MYO1C: variants seen among roughly 807,000 people sequenced by gnomAD.
MYO1C encodes the protein myosin IC.
Under a neutral mutation model 150.8 loss-of-function variants are expected in MYO1C, and 104 were observed. That is an observed-to-expected ratio of 0.69 (90% CI 0.59 to 0.81). MYO1C has a LOEUF of 0.81. MYO1C is among the 30% of genes least tolerant of loss of function. The pLI, the probability that MYO1C is intolerant of heterozygous loss-of-function variation, is 0.00. For missense variants in MYO1C, 1,504 were observed against 1,435.0 expected, an observed-to-expected ratio of 1.05 and a Z score of -0.78; for synonymous variants, 663 against 579.9, an observed-to-expected ratio of 1.14 and a Z score of -2.06.
chr17:1,470,292 G>T lies in MYO1C; in HGVS notation c.2409C>A (p.Pro803=). 2 of 1,579,370 alleles carry T rather than the reference G, an allele frequency of 1.3e-6. No homozygotes were observed. The highest frequency in any genetic ancestry group is 1.3e-5 in the African/African-American group (1 of 74,416). Residue 803 remains proline (P), a synonymous_variant, in exon 24 of 32, where the codon CCC becomes CCA. Transcript: ENST00000648651. Reference sequence around the variant, plus strand: ...CATGGTCCAGGAAGAAGGCGTTCTCGGGGCAGCGGGGGGCGTGGCGCAGGA... The same window carrying T: ...CATGGTCCAGGAAGAAGGCGTTCTCTGGGCAGCGGGGGGCGTGGCGCAGGA... ...GFVLRHAPRC[P]ENAFFLDHVR... is the part of the protein sequence containing the mutation.
chr17:1,478,063 G>C lies in MYO1C; in HGVS notation c.1401+24C>G, dbSNP rs752384261. 1.2e-6 allele frequency: 2 copies of C among 1,613,532 alleles called. No individual in the cohort carries two copies. The highest frequency in any genetic ancestry group is 4.5e-5 in the East Asian group (2 of 44,874). On this transcript the variant is annotated intron_variant, in intron 12 of 31. Coordinates refer to ENST00000648651, the MANE Select transcript of MYO1C (RefSeq NM_001080779.2). This position sits in a 1 kb window ranked among gnomAD's most constrained non-coding sequence, Gnocchi z 6.3. ...ACCCAGGCTCCCCGTGGCCCACGGA[G>C]AGTGCCCCCAGGCTAGCACACACCG...
Position 1,480,558 on chromosome 17 carries a change from G to A in MYO1C, c.875C>T (p.Thr292Ile), listed in dbSNP as rs1472721142. Reference protein sequence around the residue: ...SDWKVVRKALTVIDFTEDEVE... With the variant: ...SDWKVVRKALIVIDFTEDEVE... ...TTCATCCTCGGTGAAATCAATGACT[G>A]TCAGAGCCTTCCTGACGACCTTCCA... The change falls in exon 7 of 32, where the codon ACA becomes ATA. Residue 292 changes from threonine to isoleucine, a missense_variant. Thr to Ile is a moderately conservative substitution (Grantham distance 89). Transcript: ENST00000648651. 6.2e-7 allele frequency: 1 copy of A among 1,614,072 alleles called. No homozygotes were observed. The highest frequency in any genetic ancestry group is 8.5e-7 in the Non-Finnish European group (1 of 1,180,038).
chr17:1,476,493 T>A (rs72818291), intron 14 of MYO1C, among the ~76,000 whole-genome samples: 81 of 152,232 alleles, frequency 5.3e-4, no homozygotes, highest in Non-Finnish European at 1.0e-3. Context: ...ATTTTCAATA[T>A]ATTATTATGC....
At chr17:1,477,766 C>T in intron 13 of MYO1C, 125 bp downstream of exon 13, 1 of 1,082,258 alleles carries the variant, frequency 9.2e-7, no homozygotes, top group Non-Finnish European at 1.4e-6. Flanking sequence ...CCATTCACAG[C>T]TCTGCCCTGT....
intron 3 of MYO1C, 33 bp from the exon 4 acceptor site, chr17:1,483,092 G>C: frequency 6.4e-7 from 1 of 1,557,076 alleles, no homozygotes; most frequent in Non-Finnish European, 8.7e-7. Flanking sequence ...AGTTTGGGGA[G>C]GGGGGCCAAG....
chr17:1,477,026 A>C (rs981932601), intron 14 of MYO1C, among the ~76,000 whole-genome samples: 1 of 151,776 alleles, frequency 6.6e-6, no homozygotes, highest in Non-Finnish European at 1.5e-5. Context: ...TTTAGTAGAG[A>C]CTGGGTTTCA....
intron 1 of MYO1C, among the ~76,000 whole-genome samples, chr17:1,487,810 G>A (rs147003567): frequency 0.064 from 9,681 of 152,204 alleles, 343 homozygotes; most frequent in Non-Finnish European, 0.073. Flanking sequence ...AATCCCAGCT[G>A]CTCGGGAGGC....
intron 22 of MYO1C, 51 bp from the exon 23 acceptor site, chr17:1,470,570 C>T (rs375037565): frequency 3.2e-6 from 5 of 1,576,480 alleles, no homozygotes; most frequent in South Asian, 2.3e-5. Context: ...CCATGGTGGC[C>T]CCCCCTGGCC....
At chr17:1,486,494 G>T (rs1352143469) in intron 1 of MYO1C, among the ~76,000 whole-genome samples, 1 of 150,054 alleles carries the variant, frequency 6.7e-6, no homozygotes, top group Non-Finnish European at 1.5e-5. Context: ...TCTGGGCCCG[G>T]ACCTCCTCCC....
rs577330414 is a variant in MYO1C at position 1,478,984 on chromosome 17, C to T, written c.1093-249G>A. Among the ~76,000 whole-genome samples, 7 of 152,284 alleles carry T rather than the reference C, an allele frequency of 4.6e-5. No homozygotes were observed. In the South Asian group the frequency reaches 1.5e-3, roughly 32 times the overall value. ...GTCTGGTTCTAGCCGGACTGTTACT[C>T]TCTTCCTATGTGACCCTGGCCAGCT... On this transcript the variant is annotated intron_variant, in intron 9 of 31. Transcript: ENST00000648651. This position sits in a 1 kb window ranked among gnomAD's most constrained non-coding sequence, Gnocchi z 6.3.
At position 1,479,690 on chromosome 17, in the gene MYO1C, C is replaced by T. The variant is rs775197621; in HGVS notation, c.922G>A (p.Val308Met). 9.3e-6 allele frequency: 15 copies of T among 1,611,402 alleles called. No individual in the cohort carries two copies. The highest frequency in any genetic ancestry group is 1.3e-5 in the African/African-American group (1 of 74,770). Residue 308 changes from valine to methionine, a missense_variant, in exon 8 of 32, where the codon GTG (valine) becomes ATG (methionine). Val to Met is a conservative substitution (Grantham distance 21). Coordinates refer to ENST00000648651, the MANE Select transcript of MYO1C (RefSeq NM_001080779.2). This position sits in a 1 kb window ranked among gnomAD's most constrained non-coding sequence, Gnocchi z 4.2. ...EDEVEDLLSI[V>M]ASVLHLGNIH... ...TTGCCCAAATGAAGGACGCTGGCCA[C>T]GATGCTCAGCAGGTCCTGGGGGAGC...
intron 17 of MYO1C, among the ~76,000 whole-genome samples, chr17:1,474,407 A>G (rs1231551262): frequency 1.4e-4 from 21 of 148,690 alleles, no homozygotes; most frequent in African/African-American, 5.3e-4. Context: ...CAGCCTGGGC[A>G]ACAGAGCGAG....
intron 3 of MYO1C, 100 bp downstream of exon 3, chr17:1,483,510 C>A: frequency 1.2e-6 from 1 of 847,324 alleles, no homozygotes; most frequent in Non-Finnish European, 1.9e-6. Context: ...ACAGATGTGG[C>A]GCGGGACGCC....
Position 1,480,792 on chromosome 17 carries a change from A to G in MYO1C, c.721T>C (p.Tyr241His). ...NHGERNFHIFYQLLEGGEEET... is the reference protein window; with the variant it reads ...NHGERNFHIFHQLLEGGEEET... ...TCCTCGCCCCCCTCCAGCAGCTGGT[A>G]GAAGATGTGGAAGTTCCGCTCCCCA... The change falls in exon 6 of 32, where the codon TAC (tyrosine) becomes CAC (histidine). Residue 241 changes from tyrosine (Y) to histidine (H), a missense_variant. Transcript: ENST00000648651. 2.5e-6 allele frequency: 4 copies of G among 1,614,120 alleles called. No individual in the cohort carries two copies. The highest frequency in any genetic ancestry group is 3.4e-6 in the Non-Finnish European group (4 of 1,180,016).
At chr17:1,489,060 GCA>G (rs1351118893) in intron 1 of MYO1C, among the ~76,000 whole-genome samples, 1 of 152,196 alleles carries the variant, frequency 6.6e-6, no homozygotes, top group Admixed American at 6.5e-5. Flanking sequence ...GTCATCTGAG[GCA>G]CCCGGGACTG....
chr17:1,487,507 C>T (rs1386994957), intron 1 of MYO1C, among the ~76,000 whole-genome samples: 1 of 151,530 alleles, frequency 6.6e-6, no homozygotes, highest in African/African-American at 2.4e-5. Flanking sequence ...TGGGGACCCC[C>T]GAGCGGGGGC....
intron 19 of MYO1C, 62 bp downstream of exon 19, chr17:1,471,845 G>A (rs750696619): frequency 1.1e-5 from 17 of 1,537,404 alleles, no homozygotes; most frequent in Non-Finnish European, 1.5e-5. Context: ...TGCCCTCATG[G>A]GACCTAGGGG....
Position 1,479,180 on chromosome 17 carries a change from A to G in MYO1C, c.1092+251T>C, listed in dbSNP as rs1320492082. On this transcript the variant is annotated intron_variant, in intron 9 of 31. Coordinates refer to ENST00000648651, the MANE Select transcript of MYO1C (RefSeq NM_001080779.2). This position sits in a 1 kb window ranked among gnomAD's most constrained non-coding sequence, Gnocchi z 4.2. The stretch of plus-strand genomic sequence containing the variant: ...CGGCTAATTTTTGTATTCTTAGTAG[A>G]TGGGGTTTCACCATGTTGGCCAAGA... Among the ~76,000 whole-genome samples, 2 of 152,022 alleles carry G rather than the reference A, an allele frequency of 1.3e-5. No homozygotes were observed. Among genetic ancestry groups the G allele is most frequent in the Non-Finnish European group, 2.9e-5 (2 of 68,002 alleles).
intron 14 of MYO1C, among the ~76,000 whole-genome samples, chr17:1,475,906 C>T (rs909348149): frequency 7.9e-5 from 12 of 151,944 alleles, no homozygotes; most frequent in Non-Finnish European, 1.3e-4. Context: ...TTTGATGATA[C>T]GGGAAAATGT....
Sources: gnomAD v4.1 joint callset for allele counts (sites outside exome capture counted in the v4.1 genomes callset) on GRCh38, gnomAD v4.1.1 for gene constraint, Gnocchi (gnomAD v3.1) non-coding constraint, MANE v1.5 for transcripts, NCBI Gene and HGNC (gene_info 2026-07-23, HGNC 2026-07-21) for gene names.